The following MYO18B variants were observed in gnomAD, a reference collection of about 807,000 sequenced individuals.
MYO18B encodes myosin XVIIIB.
A neutral mutation model predicts 273.0 loss-of-function variants in MYO18B; 204 were observed. That is an observed-to-expected ratio of 0.75 (90% CI 0.67 to 0.84). The LOEUF (loss-of-function observed/expected upper bound fraction) is 0.84. Ranked by LOEUF, MYO18B falls within the 40% of genes least tolerant of loss-of-function variation. MYO18B has a pLI of 0.00. For missense variants in MYO18B, 3,212 were observed against 3,287.6 expected (o/e 0.98, Z 0.56); for synonymous variants, 1,330 against 1,305.7 (o/e 1.02, Z -0.40).
Position 25,874,410 on chromosome 22 carries a change from T to G in MYO18B, c.4076T>G (p.Leu1359Arg). ...GFLSRQEFKKLKIRRLAAQCI... is the reference protein window; with the variant it reads ...GFLSRQEFKKRKIRRLAAQCI... ...CTGTCTCGCCAGGAATTCAAGAAGC[T>G]GAAGGTACTGCATGCCGTTCCCATG... Residue 1359 changes from leucine to arginine, a missense_variant, in exon 23 of 44, where the codon CTG becomes CGG. Physicochemically the swap from Leu to Arg is moderately radical, Grantham distance 102 (BLOSUM62 -2). Transcript: ENST00000335473. 1 of 1,613,348 alleles carries G rather than the reference T, an allele frequency of 6.2e-7. No individual in the cohort carries two copies. The highest frequency in any genetic ancestry group is 1.7e-5 in the Admixed American group (1 of 59,892).
At chr22:25,871,929 G>A (rs564836423) in intron 22 of MYO18B, among the ~76,000 whole-genome samples, 7 of 152,104 alleles carry the variant, frequency 4.6e-5, no homozygotes, top group South Asian at 2.1e-4. Flanking sequence ...GGCAGCACCC[G>A]CCATCTATTG....
intron 13 of MYO18B, among the ~76,000 whole-genome samples, chr22:25,824,263 A>G (rs1026797650): frequency 6.6e-6 from 1 of 152,114 alleles, no homozygotes; most frequent in African/African-American, 2.4e-5. Flanking sequence ...GAACCTATAA[A>G]AATCACCAGG....
At chr22:25,965,367 T>TGATGATTAGGA (rs1456721839) in intron 39 of MYO18B, among the ~76,000 whole-genome samples, 5 of 152,168 alleles carry the variant, frequency 3.3e-5, no homozygotes, top group East Asian at 3.8e-4. Context: ...AAAAGCCCAT[T>TGATGATTAGGA]GATGATTAGG....
chr22:25,763,266 G>T lies in MYO18B; in HGVS notation c.75G>T (p.Ser25=). 6.2e-7 allele frequency: 1 copy of T among 1,611,118 alleles called. No individual in the cohort carries two copies. Among genetic ancestry groups the T allele is most frequent in the Non-Finnish European group, 8.5e-7 (1 of 1,178,642 alleles). The change falls in exon 3 of 44, where the codon TCG becomes TCT. Residue 25 remains serine (S), a synonymous_variant. Coordinates refer to ENST00000335473, the MANE Select transcript of MYO18B (RefSeq NM_032608.7). ...AGGACAAGAGCCCTCCACCATCCTC[G>T]CCCCCTCCTCTTTTCTCTGTCATCC... The part of the protein sequence containing the change: ...REEDKSPPPS[S]PPPLFSVIPG...
At chr22:25,973,703 G>C (rs1488528348) in intron 39 of MYO18B, among the ~76,000 whole-genome samples, 1 of 152,142 alleles carries the variant, frequency 6.6e-6, no homozygotes, top group Non-Finnish European at 1.5e-5. Flanking sequence ...TGGACAGCAG[G>C]CATGATCTCA....
At chr22:25,992,968 A>C (rs893214287) in intron 40 of MYO18B, among the ~76,000 whole-genome samples, 2 of 152,198 alleles carry the variant, frequency 1.3e-5, no homozygotes, top group African/African-American at 4.8e-5. Flanking sequence ...CAGATATGTA[A>C]GTGCTATGTA....
intron 36 of MYO18B, among the ~76,000 whole-genome samples, chr22:25,948,445 TCCTTCCTTCCTTCC>T (rs1462947696): frequency 1.3e-4 from 17 of 130,746 alleles, no homozygotes; most frequent in Non-Finnish European, 2.0e-4. Flanking sequence ...CTTCCTTCCT[TCCTTCCTTCCTTCC>T]TTCTTTCTTT....
At position 25,849,393 on chromosome 22, in the gene MYO18B, CTCTT is replaced by C. The variant is rs569016273; in HGVS notation, c.3775+1744_3775+1747del. Reference sequence around the variant, plus strand: ...TATTTCTATTGTAAGTCATGTTTGTCTCTTTCACACTCACATGAGATAGATTTGT... The same window carrying C: ...TATTTCTATTGTAAGTCATGTTTGTCTCACACTCACATGAGATAGATTTGT... On this transcript the variant is annotated intron_variant, in intron 20 of 43. Transcript: ENST00000335473. Among the ~76,000 whole-genome samples the C allele has an allele frequency of 7.9e-5, 12 of 152,218 alleles. No individual in the cohort carries two copies. The South Asian group carries it at 2.5e-3, about 32-fold the overall frequency.
intron 13 of MYO18B, among the ~76,000 whole-genome samples, chr22:25,824,472 C>G (rs2089414577): frequency 6.6e-6 from 1 of 152,124 alleles, no homozygotes; most frequent in African/African-American, 2.4e-5. Context: ...GGACTTTGTA[C>G]TGTACTTGCA....
At chr22:25,928,710 A>T (rs547918396) in intron 34 of MYO18B, among the ~76,000 whole-genome samples, 1 of 152,184 alleles carries the variant, frequency 6.6e-6, no homozygotes, top group Non-Finnish European at 1.5e-5. Flanking sequence ...AATCCTGCCA[A>T]TGACACTTAC....
intron 11 of MYO18B, among the ~76,000 whole-genome samples, chr22:25,797,063 C>A (rs1438022169): frequency 6.6e-6 from 1 of 152,168 alleles, no homozygotes; most frequent in African/African-American, 2.4e-5. Flanking sequence ...CCCTTCTCTA[C>A]TAAAACTATG....
intron 35 of MYO18B, 77 bp downstream of exon 35, chr22:25,946,327 C>A: frequency 2.0e-6 from 2 of 983,572 alleles, no homozygotes; most frequent in Non-Finnish European, 3.1e-6. Context: ...CTAGTGTGCG[C>A]TCAGCACTAT....
downstream of MYO18B, among the ~76,000 whole-genome samples, chr22:26,034,578 A>G (rs766312620): frequency 1.1e-4 from 16 of 152,244 alleles, no homozygotes; most frequent in Non-Finnish European, 2.2e-4. Context: ...GGCTCCAACC[A>G]TATGGCTGTG....
intron 42 of MYO18B, among the ~76,000 whole-genome samples, chr22:26,014,092 T>C (rs2146957643): frequency 6.6e-6 from 1 of 152,332 alleles, no homozygotes; most frequent in East Asian, 1.9e-4. Context: ...AATCATGCAG[T>C]ATTTTCTTAT....
intron 39 of MYO18B, chr22:25,983,493 G>A (rs186253411): frequency 2.0e-5 from 3 of 152,334 alleles, no homozygotes; most frequent in Admixed American, 2.0e-4. Flanking sequence ...TGAAAACCCT[G>A]TTGTCTGTCT....
At position 26,030,860 on chromosome 22, in the gene MYO18B, T is replaced by C. The variant is rs773413314; in HGVS notation, c.*430T>C. 3.3e-5 allele frequency: 13 copies of C among 398,434 alleles called. No homozygotes were observed. The highest frequency in any genetic ancestry group is 4.9e-5 in the Non-Finnish European group (11 of 226,046). The allele number at this position is 398,434 out of a possible 1,614,324, so 24.7% of individuals were successfully genotyped here. On this transcript the variant is annotated 3_prime_UTR_variant, in exon 44 of 44. Transcript: ENST00000335473. ...TTCCTCCAGGAAGTCTTTCCTGATATATCAAACTGAAACAAATGCTCCTCC... is the reference window on the plus strand; with the variant it reads ...TTCCTCCAGGAAGTCTTTCCTGATACATCAAACTGAAACAAATGCTCCTCC...
chr22:25,912,721 C>T (rs568003656), intron 33 of MYO18B, among the ~76,000 whole-genome samples: 4 of 152,246 alleles, frequency 2.6e-5, no homozygotes, highest in African/African-American at 4.8e-5. Context: ...GTTTTAAGAA[C>T]GGTTGGTGGC....
chr22:25,880,812 A>G (rs371823178), intron 25 of MYO18B, among the ~76,000 whole-genome samples: 16 of 152,340 alleles, frequency 1.1e-4, no homozygotes, highest in African/African-American at 2.4e-4. Context: ...CATGGGCTCT[A>G]TTTGCCTAAG....
chr22:25,852,375 C>T (rs1458662978), intron 21 of MYO18B, among the ~76,000 whole-genome samples: 1 of 147,150 alleles, frequency 6.8e-6, no homozygotes, highest in Non-Finnish European at 1.5e-5. Flanking sequence ...AGCAAGAGCT[C>T]AATAATGTTT....
Sources: gnomAD v4.1 joint callset for allele counts (sites outside exome capture counted in the v4.1 genomes callset) on GRCh38, gnomAD v4.1.1 for gene constraint, MANE v1.5 for transcripts, NCBI Gene and HGNC (gene_info 2026-07-23, HGNC 2026-07-21) for gene names.